Variants in ABCC5 observed in about 807,000 individuals in gnomAD.
ABCC5 encodes ATP-binding cassette sub-family C member 5.
A neutral mutation model predicts 160.9 loss-of-function variants in ABCC5; 61 were observed. The observed-to-expected ratio is 0.38, with a 90% CI of 0.31 to 0.47. The LOEUF is 0.47. ABCC5 is among the 20% of genes least tolerant of loss of function. The probability of loss-of-function intolerance (pLI) is 0.99; values close to 1 mark genes in which losing one functional copy is unlikely to be tolerated. For synonymous variants in ABCC5, 666 were observed against 700.6 expected, an observed-to-expected ratio of 0.95 and a Z score of 0.78; for missense variants, 1,308 against 1,813.3, an observed-to-expected ratio of 0.72 and a Z score of 5.06.
chr3:183,974,464 A>G (rs1265034856), intron 10 of ABCC5, among the ~76,000 whole-genome samples: 1 of 151,976 alleles, frequency 6.6e-6, no homozygotes, highest in East Asian at 1.9e-4. Context: ...GCCCACCACC[A>G]CACCCAGCTA....
chr3:183,926,789 G>A (rs941307119), intron 28 of ABCC5, among the ~76,000 whole-genome samples: 1 of 152,120 alleles, frequency 6.6e-6, no homozygotes, highest in Non-Finnish European at 1.5e-5. Context: ...GCTCACGCCT[G>A]TAATCCCAGC....
At chr3:184,003,303 C>T (rs74603684) in intron 2 of ABCC5, among the ~76,000 whole-genome samples, 2,422 of 152,214 alleles carry the variant, frequency 0.016, 26 homozygotes, top group Non-Finnish European at 0.023. Context: ...TTCAGGCCTT[C>T]CCGCCCTTCC....
At chr3:183,953,329 A>T in intron 17 of ABCC5, 59 bp from the exon 18 acceptor site, 1 of 1,479,810 alleles carries the variant, frequency 6.8e-7, no homozygotes, top group South Asian at 1.3e-5. Flanking sequence ...CATAAAACTA[A>T]GTCACCTGCA....
At chr3:183,940,245 C>G (rs1039608149) in intron 25 of ABCC5, among the ~76,000 whole-genome samples, 3 of 151,846 alleles carry the variant, frequency 2.0e-5, no homozygotes, top group Non-Finnish European at 4.4e-5. Flanking sequence ...CACCTGTAAT[C>G]CCAGCACTTT....
intron 25 of ABCC5, among the ~76,000 whole-genome samples, chr3:183,939,045 T>G (rs929534337): frequency 6.6e-6 from 1 of 152,240 alleles, no homozygotes; most frequent in Non-Finnish European, 1.5e-5. Flanking sequence ...TCTCCCATAA[T>G]CTCACTTCTA....
intron 25 of ABCC5, among the ~76,000 whole-genome samples, chr3:183,939,778 T>C (rs962818728): frequency 6.6e-6 from 1 of 152,220 alleles, no homozygotes; most frequent in Non-Finnish European, 1.5e-5. Flanking sequence ...CTTGGTTCCA[T>C]GGTTTAGATT....
At chr3:183,941,412 G>A (rs1166092995) in intron 25 of ABCC5, among the ~76,000 whole-genome samples, 1 of 152,144 alleles carries the variant, frequency 6.6e-6, no homozygotes, top group East Asian at 1.9e-4. Context: ...CTGGAGCAAT[G>A]TCTTGTTTTG....
chr3:183,928,996 T>G (rs1712895259), intron 26 of ABCC5, among the ~76,000 whole-genome samples, 171 bp from the exon 27 acceptor site: 1 of 152,170 alleles, frequency 6.6e-6, no homozygotes, highest in Non-Finnish European at 1.5e-5. Flanking sequence ...GACAGCACAC[T>G]GGGCCACCTC....
chr3:183,988,732 G>A lies in ABCC5; in HGVS notation c.288-5C>T, dbSNP rs774142046. On this transcript the variant is annotated splice_polypyrimidine_tract_variant and splice_region_variant and intron_variant, in intron 3 of 29. Transcript: ENST00000334444. The surrounding 1 kb of genome is among the most constrained non-coding windows in gnomAD (Gnocchi z 4.4). Reference sequence around the variant, plus strand: ...TTGTCCACTGGGTGCTGGTGTCTAAGGAGAGAAAACCGAAATCACAAAGCT... The same window carrying A: ...TTGTCCACTGGGTGCTGGTGTCTAAAGAGAGAAAACCGAAATCACAAAGCT... 9.3e-6 allele frequency: 15 copies of A among 1,611,624 alleles called. No individual in the cohort carries two copies. The highest frequency in any genetic ancestry group is 1.3e-5 in the Non-Finnish European group (15 of 1,179,288).
intron 28 of ABCC5, among the ~76,000 whole-genome samples, chr3:183,927,058 T>C (rs1031644553): frequency 1.3e-5 from 2 of 151,064 alleles, no homozygotes; most frequent in Non-Finnish European, 3.0e-5. Flanking sequence ...AAAAAAAAAA[T>C]CTTCTATGTC....
At chr3:183,962,364 G>GGT (rs200387805) in intron 15 of ABCC5, among the ~76,000 whole-genome samples, 7,258 of 152,090 alleles carry the variant, frequency 0.048, 268 homozygotes, top group East Asian at 0.17. Flanking sequence ...GTAAGCCAGC[G>GGT]ACTGTCTCTA....
At chr3:183,965,856 C>T (rs1717171713) in intron 12 of ABCC5, among the ~76,000 whole-genome samples, 1 of 152,100 alleles carries the variant, frequency 6.6e-6, no homozygotes, top group South Asian at 2.1e-4. Context: ...TAATCCCTGC[C>T]TCAACATGGG....
chr3:183,986,136 T>C (rs1166179983), intron 5 of ABCC5: 3 of 152,274 alleles, frequency 2.0e-5, no homozygotes, highest in African/African-American at 7.2e-5. Context: ...CTAGTACTAA[T>C]CTCAAAACCA....
intron 2 of ABCC5, chr3:184,000,684 A>C (rs1720680171): frequency 1.3e-5 from 2 of 152,334 alleles, no homozygotes; most frequent in Admixed American, 1.3e-4. Context: ...CTGATTTTTA[A>C]TATGCTACCA....
At chr3:183,957,336 G>C (rs201728826) in intron 17 of ABCC5, among the ~76,000 whole-genome samples, 1 of 102,730 alleles carries the variant, frequency 9.7e-6, no homozygotes, top group African/African-American at 3.5e-5. Context: ...ATGCGGGTCC[G>C]TGTGTACATC....
chr3:183,983,664 A>G (rs756755840), intron 5 of ABCC5: 92 of 887,362 alleles, frequency 1.0e-4, no homozygotes, highest in Non-Finnish European at 1.1e-4. Flanking sequence ...CCCAAGAACC[A>G]CCGAGTGCCA....
In ABCC5 at chr3:183,949,895, G is replaced by A; in HGVS notation, c.3099-14C>T. ...CGAATCAGGACCCTGGAGAGAGAAT[G>A]AGCTCCGTGTCACAGCACCTACCCA... On this transcript the variant is annotated splice_polypyrimidine_tract_variant and intron_variant, in intron 21 of 29. Coordinates refer to ENST00000334444, the MANE Select transcript of ABCC5 (RefSeq NM_005688.4). This position sits in a 1 kb window ranked among gnomAD's most constrained non-coding sequence, Gnocchi z 4.2. 2 of 1,614,210 alleles carry A rather than the reference G, an allele frequency of 1.2e-6. No individual in the cohort carries two copies. The highest frequency in any genetic ancestry group is 1.7e-6 in the Non-Finnish European group (2 of 1,180,038).
chr3:183,928,646 C>T, intron 27 of ABCC5, 101 bp downstream of exon 27: 1 of 1,048,798 alleles, frequency 9.5e-7, no homozygotes, highest in East Asian at 2.4e-5. Context: ...TGTCCACAGG[C>T]ATCCTGGAGG....
intron 16 of ABCC5, 92 bp downstream of exon 16, chr3:183,961,419 T>C (rs1434942991): frequency 6.8e-7 from 1 of 1,477,976 alleles, no homozygotes; most frequent in Non-Finnish European, 9.1e-7. Flanking sequence ...ACACAGACAC[T>C]GGATTCAGCT....
Sources: allele counts gnomAD v4.1 joint callset (sites outside exome capture counted in the v4.1 genomes callset), GRCh38; gene constraint gnomAD v4.1.1; non-coding constraint Gnocchi (gnomAD v3.1); transcripts MANE v1.5; gene names NCBI Gene and HGNC (gene_info 2026-07-23, HGNC 2026-07-21).